The following SSH2 variants were observed in gnomAD, a reference collection of about 807,000 sequenced individuals.
SSH2 encodes the protein slingshot protein phosphatase 2, also known as protein phosphatase Slingshot homolog 2.
In SSH2, 37 loss-of-function variants were observed where a neutral mutation model predicts 135.2. That is an observed-to-expected ratio of 0.27 (90% CI 0.21 to 0.36). The LOEUF (loss-of-function observed/expected upper bound fraction) is 0.36. Among genes scored for constraint, SSH2 ranks in the 10% least tolerant of loss-of-function variants. SSH2 has a pLI of 1.00. For missense variants in SSH2, 1,408 were observed against 1,765.3 expected (o/e 0.80, Z 3.63); for synonymous variants, 628 against 646.2 (o/e 0.97, Z 0.43).
rs531193650 is a variant in SSH2 at position 29,727,137 on chromosome 17, C to T, written c.189-24075G>A. Among the ~76,000 whole-genome samples the T allele has an allele frequency of 1.3e-4, 20 of 152,302 alleles. No individual in the cohort carries two copies. The East Asian group carries it at 2.1e-3, about 16-fold the overall frequency. ...ACTTCCTTCCTTATCCCCCATTCAA[C>T]GGATATGACAATATACTAATGGGCT... is the stretch of plus-strand genomic sequence containing the variant. On this transcript the variant is annotated intron_variant, in intron 3 of 15. Coordinates refer to ENST00000540801, the MANE Select transcript of SSH2 (RefSeq NM_001282129.2).
chr17:29,716,910 C>T (rs1234006670), intron 3 of SSH2, among the ~76,000 whole-genome samples: 1 of 152,122 alleles, frequency 6.6e-6, no homozygotes, highest in Non-Finnish European at 1.5e-5. Flanking sequence ...ACCCCTTTAG[C>T]TTAGCATCAA....
rs563469826 is a variant in SSH2, at chr17:29,791,835, C to T, written c.188+2059G>A. ...GTAATCCTCTTGTGAATAGAAGAAG[C>T]CTGCAAAAACCCTCTGCTGGTCAAA... On this transcript the variant is annotated intron_variant, in intron 3 of 15. Coordinates refer to ENST00000540801, the MANE Select transcript of SSH2 (RefSeq NM_001282129.2). Among the ~76,000 whole-genome samples, 12 of 151,722 alleles carry T rather than the reference C, an allele frequency of 7.9e-5. No individual in the cohort carries two copies. In the East Asian group the frequency reaches 2.1e-3, roughly 27 times the overall value.
At chr17:29,811,443 T>C (rs1421762849) in intron 2 of SSH2, among the ~76,000 whole-genome samples, 1 of 152,202 alleles carries the variant, frequency 6.6e-6, no homozygotes, top group Non-Finnish European at 1.5e-5. Flanking sequence ...AATTTTTATA[T>C]ATTTTTTCAT....
chr17:29,866,911 C>A (rs542352308), intron 1 of SSH2, among the ~76,000 whole-genome samples: 1 of 152,296 alleles, frequency 6.6e-6, no homozygotes, highest in East Asian at 1.9e-4. Flanking sequence ...CGGCTCACTT[C>A]AAACTCCATC....
At chr17:29,676,473 T>C (rs998114657) in intron 8 of SSH2, 1 of 194,248 alleles carries the variant, frequency 5.1e-6, no homozygotes, top group Non-Finnish European at 1.1e-5. Context: ...AGCTAATGCA[T>C]AGCAATGTGA....
chr17:29,873,483 C>T (rs1327852670), intron 1 of SSH2, among the ~76,000 whole-genome samples: 1 of 151,858 alleles, frequency 6.6e-6, no homozygotes, highest in Non-Finnish European at 1.5e-5. Flanking sequence ...CACTTGAACC[C>T]GGGAGGTGGA....
intron 2 of SSH2, among the ~76,000 whole-genome samples, chr17:29,822,761 T>C (rs1001598818): frequency 7.0e-4 from 107 of 152,226 alleles, no homozygotes; most frequent in African/African-American, 2.5e-3. Context: ...TTGGCTTTCC[T>C]GGCTCTAGTT....
intron 3 of SSH2, among the ~76,000 whole-genome samples, chr17:29,756,201 G>A (rs986953699): frequency 2.0e-5 from 3 of 151,268 alleles, no homozygotes; most frequent in African/African-American, 7.3e-5. Context: ...TGAACCCAGG[G>A]GGCGGAGGTT....
intron 1 of SSH2, among the ~76,000 whole-genome samples, chr17:29,861,964 A>C (rs1414553849): frequency 6.6e-6 from 1 of 152,226 alleles, no homozygotes; most frequent in Non-Finnish European, 1.5e-5. Context: ...TGGGAAATAC[A>C]ACACTATAGT....
intron 1 of SSH2, chr17:29,864,383 C>CA (rs2065818452): frequency 6.6e-6 from 1 of 151,624 alleles, no homozygotes. Context: ...TAAGGTTACA[C>CA]ACTCCAAATT....
At chr17:29,742,535 T>C (rs375259306) in intron 3 of SSH2, among the ~76,000 whole-genome samples, 1 of 144,898 alleles carries the variant, frequency 6.9e-6, no homozygotes, top group Admixed American at 7.0e-5. Flanking sequence ...GGTCTCACTA[T>C]GTTGCCCAGG....
At chr17:29,857,593 G>A (rs971177694) in intron 1 of SSH2, among the ~76,000 whole-genome samples, 16 of 152,184 alleles carry the variant, frequency 1.1e-4, no homozygotes, top group African/African-American at 2.4e-4. Context: ...AGGCTCAAGC[G>A]ATCCTCCCAT....
At chr17:29,680,441 C>T (rs774595225) in intron 6 of SSH2, among the ~76,000 whole-genome samples, 4 of 148,356 alleles carry the variant, frequency 2.7e-5, no homozygotes, top group African/African-American at 7.5e-5. Context: ...ATCCCAGCTA[C>T]TCGGGAGGCT....
In SSH2 at chr17:29,881,965, A is replaced by G. The variant is rs190383776; in HGVS notation, c.64-33036T>C. ...AACAAACAAACAAACATCTCCAAAC[A>G]TTTCAATTGAGGAAAAAACTGCATT... On this transcript the variant is annotated intron_variant, in intron 1 of 15. Coordinates refer to ENST00000540801, the MANE Select transcript of SSH2 (RefSeq NM_001282129.2). Among the ~76,000 whole-genome samples the G allele has an allele frequency of 6.6e-5, 10 of 152,348 alleles. No homozygotes were observed. In the South Asian group the frequency reaches 1.0e-3, roughly 16 times the overall value.
At chr17:29,702,010 G>A (rs1247492508) in intron 4 of SSH2, among the ~76,000 whole-genome samples, 1 of 149,364 alleles carries the variant, frequency 6.7e-6, no homozygotes, top group Non-Finnish European at 1.5e-5. Flanking sequence ...TTACATCTGT[G>A]AGCCAATGTG....
intron 1 of SSH2, among the ~76,000 whole-genome samples, chr17:29,881,468 T>A (rs1360586535): frequency 2.0e-5 from 3 of 152,056 alleles, no homozygotes; most frequent in African/African-American, 7.2e-5. Flanking sequence ...CATTCTTTCT[T>A]CCTTTTCTTC....
chr17:29,749,398 T>C (rs920386229), intron 3 of SSH2, among the ~76,000 whole-genome samples: 2 of 152,246 alleles, frequency 1.3e-5, no homozygotes, highest in Non-Finnish European at 2.9e-5. Context: ...TGGCTGGCTA[T>C]ATGGGATAAC....
chr17:29,687,351 A>T (rs1159449435), intron 5 of SSH2, among the ~76,000 whole-genome samples: 1 of 152,226 alleles, frequency 6.6e-6, no homozygotes, highest in South Asian at 2.1e-4. Flanking sequence ...ATAAGAACGG[A>T]TATAACAAGA....
chr17:29,775,481 A>T (rs2729446), intron 3 of SSH2, among the ~76,000 whole-genome samples: 2 of 151,880 alleles, frequency 1.3e-5, no homozygotes, highest in Non-Finnish European at 2.9e-5. Context: ...CAAATAATAC[A>T]GTTCTAGAAC....
Sources: allele counts gnomAD v4.1 joint callset (sites outside exome capture counted in the v4.1 genomes callset), GRCh38; gene constraint gnomAD v4.1.1; transcripts MANE v1.5; gene names NCBI Gene and HGNC (gene_info 2026-07-23, HGNC 2026-07-21).